SLC24A2: variants seen among roughly 807,000 people sequenced by gnomAD.
The protein encoded by SLC24A2 is sodium/potassium/calcium exchanger 2.
A neutral mutation model predicts 62.0 loss-of-function variants in SLC24A2; 36 were observed. The observed-to-expected ratio is 0.58, with a 90% confidence interval of 0.44 to 0.77. The LOEUF (loss-of-function observed/expected upper bound fraction) is 0.77, where lower values mean the gene tolerates loss of function less well. Ranked by LOEUF, SLC24A2 falls within the 30% of genes least tolerant of loss-of-function variation. SLC24A2 has a pLI of 0.00. For synonymous variants in SLC24A2, 358 were observed against 294.0 expected (o/e 1.22, Z -2.23); for missense variants, 846 against 817.9 (o/e 1.03, Z -0.42).
the SLC24A2 span, among the ~76,000 whole-genome samples, chr9:19,840,588 CTTTATA>C: frequency 4.6e-5 from 7 of 151,986 alleles, no homozygotes; most frequent in Non-Finnish European, 1.0e-4. Flanking sequence ...TGTTTTGTAA[CTTTATA>C]TTTATTTTGC....
chr9:20,230,775 T>G, the SLC24A2 span, among the ~76,000 whole-genome samples: 1 of 152,234 alleles, frequency 6.6e-6, no homozygotes, highest in Non-Finnish European at 1.5e-5. Context: ...TTGTTGCCAT[T>G]GCTTTTGGTG....
At chr9:20,127,049 C>T in the SLC24A2 span, among the ~76,000 whole-genome samples, 9 of 152,148 alleles carry the variant, frequency 5.9e-5, no homozygotes, top group Middle Eastern at 3.4e-3. Context: ...ATAGATTTTT[C>T]TTGCCTTCTC....
rs1194746620 is a variant in SLC24A2, at chr9:19,509,127, T to C, written c.*7026A>G. ...CATTTCCCAGGTATATGTTTGCTAA[T>C]TATCTATTTCATTTTCCATATGGGT... On this transcript the variant is annotated 3_prime_UTR_variant, in exon 11 of 11. Coordinates refer to ENST00000341998, the MANE Select transcript of SLC24A2 (RefSeq NM_020344.4). 1 of 152,204 alleles carries C rather than the reference T, an allele frequency of 6.6e-6. No homozygotes were observed. Among genetic ancestry groups the C allele is most frequent in the East Asian group, 1.9e-4 (1 of 5,202 alleles). The allele number at this position is 152,204 out of a possible 1,614,324, so 9.4% of individuals were successfully genotyped here. A position where few individuals can be genotyped will look rare whatever the true frequency, so the allele number is the denominator to read the frequency against.
At chr9:20,176,565 T>G in the SLC24A2 span, among the ~76,000 whole-genome samples, 1 of 152,082 alleles carries the variant, frequency 6.6e-6, no homozygotes, top group Non-Finnish European at 1.5e-5. Flanking sequence ...GAAACAGCAA[T>G]GGCTGGAAAC....
intron 2 of SLC24A2, among the ~76,000 whole-genome samples, chr9:19,720,837 ATGTGTGTGTGTGTGTGTGTGTG>A (rs10692458): frequency 0.16 from 22,819 of 140,486 alleles, 2,176 homozygotes; most frequent in Non-Finnish European, 0.23. Flanking sequence ...ATGTGGAATG[ATGTGTGTGTGTGTGTGTGTGTG>A]TGTGTGTGTG....
chr9:19,606,577 C>G (rs1815600466), intron 4 of SLC24A2, among the ~76,000 whole-genome samples: 1 of 152,194 alleles, frequency 6.6e-6, no homozygotes, highest in Non-Finnish European at 1.5e-5. Context: ...GGAGAACATT[C>G]CCAATGGGGT....
chr9:19,573,515 C>G (rs747977384), intron 6 of SLC24A2, 46 bp from the exon 7 acceptor site: 33,792 of 272,682 alleles, frequency 0.12, 972 homozygotes, highest in African/African-American at 0.19. Context: ...CACACACACA[C>G]ACACACACAC....
At chr9:19,536,179 T>C (rs575984205) in intron 8 of SLC24A2, among the ~76,000 whole-genome samples, 1 of 150,202 alleles carries the variant, frequency 6.7e-6, no homozygotes, top group South Asian at 2.1e-4. Context: ...AGAAATTTTC[T>C]TTTTTTTTAA....
At chr9:19,598,443 A>AT (rs1161066953) in intron 4 of SLC24A2, among the ~76,000 whole-genome samples, 1 of 152,156 alleles carries the variant, frequency 6.6e-6, no homozygotes, top group Non-Finnish European at 1.5e-5. Flanking sequence ...TCATTTACAC[A>AT]TTTTTTCATG....
chr9:20,166,979 T>C, the SLC24A2 span, among the ~76,000 whole-genome samples: 1 of 152,014 alleles, frequency 6.6e-6, no homozygotes, highest in Admixed American at 6.6e-5. Flanking sequence ...TAGCTGGGAC[T>C]ACAGGCGCAC....
the SLC24A2 span, among the ~76,000 whole-genome samples, chr9:20,105,541 A>G: frequency 6.6e-6 from 1 of 152,018 alleles, no homozygotes; most frequent in Non-Finnish European, 1.5e-5. Context: ...AGGATTAAGA[A>G]TCTCACTCAA....
At chr9:20,110,785 G>C in the SLC24A2 span, among the ~76,000 whole-genome samples, 78 of 152,228 alleles carry the variant, frequency 5.1e-4, no homozygotes, top group Middle Eastern at 3.4e-3. Context: ...TAGTTTCATA[G>C]TGATCTTTCC....
At chr9:19,934,780 A>T in the SLC24A2 span, among the ~76,000 whole-genome samples, 1 of 152,128 alleles carries the variant, frequency 6.6e-6, no homozygotes, top group Non-Finnish European at 1.5e-5. The surrounding 1 kb of genome is among the most constrained non-coding windows in gnomAD (Gnocchi z 4.1). Flanking sequence ...GCCTCTACAG[A>T]GTAACGAACC....
chr9:20,297,963 C>T, the SLC24A2 span, among the ~76,000 whole-genome samples: 3 of 152,304 alleles, frequency 2.0e-5, no homozygotes, highest in East Asian at 5.8e-4. Flanking sequence ...GATTTTAACC[C>T]TCCTTGGCTG....
chr9:19,851,470 T>G, the SLC24A2 span, among the ~76,000 whole-genome samples: 1 of 152,114 alleles, frequency 6.6e-6, no homozygotes, highest in Non-Finnish European at 1.5e-5. Flanking sequence ...GTCCTGATGC[T>G]CTCCCATCCC....
At chr9:19,912,380 C>G in the SLC24A2 span, among the ~76,000 whole-genome samples, 1 of 152,110 alleles carries the variant, frequency 6.6e-6, no homozygotes, top group Non-Finnish European at 1.5e-5. Flanking sequence ...TATGAATTCC[C>G]TGTTCCTATC....
chr9:20,172,236 G>A, the SLC24A2 span, among the ~76,000 whole-genome samples: 2 of 151,942 alleles, frequency 1.3e-5, no homozygotes, highest in Non-Finnish European at 2.9e-5. Context: ...AGCCCTAAAT[G>A]CCTACATCAA....
the SLC24A2 span, among the ~76,000 whole-genome samples, chr9:19,885,401 G>A: frequency 1.3e-5 from 2 of 152,208 alleles, no homozygotes; most frequent in Admixed American, 1.3e-4. Context: ...TCAGGTGGAT[G>A]ATGATGCTTT....
the SLC24A2 span, among the ~76,000 whole-genome samples, chr9:19,870,213 C>T: frequency 2.8e-4 from 43 of 152,242 alleles, no homozygotes; most frequent in African/African-American, 9.9e-4. Context: ...CTGGAAGCTA[C>T]CAGTCCACTT....
Sources: gnomAD v4.1 joint callset for allele counts (sites outside exome capture counted in the v4.1 genomes callset) on GRCh38, gnomAD v4.1.1 for gene constraint, Gnocchi (gnomAD v3.1) non-coding constraint, MANE v1.5 for transcripts, NCBI Gene and HGNC (gene_info 2026-07-23, HGNC 2026-07-21) for gene names.